The following ITGAX variants were observed in gnomAD, a reference collection of about 807,000 sequenced individuals.
ITGAX encodes the protein integrin subunit alpha X.
In ITGAX, 99 loss-of-function variants were observed where a neutral mutation model predicts 140.2. The ratio of observed to expected loss-of-function variants is 0.71; its 90% confidence interval spans 0.60 to 0.83. ITGAX has a LOEUF of 0.83. ITGAX is among the 40% of genes least tolerant of loss of function. The pLI is 0.00. For synonymous variants in ITGAX, 631 were observed against 600.4 expected (o/e 1.05, Z -0.75); for missense variants, 1,444 against 1,482.0 (o/e 0.97, Z 0.42).
Position 31,368,815 on chromosome 16 carries a change from G to C in ITGAX, c.1711-2269G>C, listed in dbSNP as rs375497136. On this transcript the variant is annotated intron_variant, in intron 14 of 29. Transcript: ENST00000268296. ...TTAGGGAGTGGTGATGACTCTTAAC[G>C]AGCATGCTGCCTTCAAGCATCTGTT... 4.6e-5 allele frequency among the ~76,000 whole-genome samples: 7 copies of C among 151,318 alleles called. No individual in the cohort carries two copies. The South Asian group carries it at 1.2e-3, about 27-fold the overall frequency.
chr16:31,377,519 T>A (rs1180906094), intron 23 of ITGAX, among the ~76,000 whole-genome samples: 1 of 152,238 alleles, frequency 6.6e-6, no homozygotes, highest in Non-Finnish European at 1.5e-5. Flanking sequence ...CCATTATGTG[T>A]GATCAAAACC....
At position 31,360,332 on chromosome 16, in the gene ITGAX, T is replaced by G. The variant is rs770743678; in HGVS notation, c.730T>G (p.Tyr244Asp). Residue 244 changes from tyrosine to aspartate, a missense_variant, in exon 8 of 30, where the codon TAT (tyrosine) becomes GAT (aspartate). By Grantham distance (160) the Tyr-to-Asp change is radical (BLOSUM62 -3). Transcript: ENST00000268296. ...TAGGCACCGATTGTTCCATGCCTCA[T>G]ATGGGGCCCGTAGGGATGCCGCCAA... Reference protein sequence around the residue: ...NVVHRLFHASYGARRDAAKIL... With the variant: ...NVVHRLFHASDGARRDAAKIL... 2 of 1,613,410 alleles carry G rather than the reference T, an allele frequency of 1.2e-6. No individual in the cohort carries two copies. Among genetic ancestry groups the G allele is most frequent in the Non-Finnish European group, 1.7e-6 (2 of 1,179,632 alleles).
At chr16:31,364,983 C>T (rs1048139811) in intron 14 of ITGAX, among the ~76,000 whole-genome samples, 2 of 152,082 alleles carry the variant, frequency 1.3e-5, no homozygotes, top group African/African-American at 4.8e-5. Context: ...CGCGGCACTG[C>T]ACTCCAGCCT....
rs1308450717 is a variant in ITGAX at position 31,363,294 on chromosome 16, C to T, written c.1630C>T (p.Pro544Ser). Residue 544 changes from proline to serine, a missense_variant, in exon 14 of 30, where the codon CCA becomes TCA. Transcript: ENST00000268296. ...DKLTDVVIGA[P>S]GEEENRGAVY... ...GCTGACAGACGTGGTCATCGGGGCC[C>T]CAGGAGAGGAGGAGAACCGGGGTGC... 3 of 1,613,958 alleles carry T rather than the reference C, an allele frequency of 1.9e-6. No homozygotes were observed. The highest frequency in any genetic ancestry group is 2.5e-6 in the Non-Finnish European group (3 of 1,179,950).
At position 31,377,208 on chromosome 16, in the gene ITGAX, A is replaced by AT; in HGVS notation, c.2732_2733insT (p.Lys911AsnfsTer19). The AT allele has an allele frequency of 6.2e-7, 1 of 1,614,074 alleles. No individual in the cohort carries two copies. Among genetic ancestry groups the AT allele is most frequent in the African/African-American group, 1.3e-5 (1 of 75,010 alleles). On this transcript the variant is annotated frameshift_variant, in exon 23 of 30. Transcript: ENST00000268296. LOFTEE classifies it high-confidence loss of function. ...GAGAACAACACTCCCAGGACCAGCAAGACCACCTTCCAGCTGGAGCTCCCG... is the reference window on the plus strand; with the variant it reads ...GAGAACAACACTCCCAGGACCAGCAATGACCACCTTCCAGCTGGAGCTCCCG...
chr16:31,357,159 CG>C (rs771429171), intron 4 of ITGAX, 58 bp downstream of exon 4: 12 of 1,568,256 alleles, frequency 7.7e-6, no homozygotes, highest in African/African-American at 5.4e-5. Flanking sequence ...GCCGGGGCCG[CG>C]GGGGGCTGGG....
In ITGAX at chr16:31,382,777, G is replaced by A. The variant is rs1163927031; in HGVS notation, c.*870G>A. On this transcript the variant is annotated 3_prime_UTR_variant, in exon 30 of 30. Transcript: ENST00000268296. ...CCCTCTAGGGAGGGACATGGCCCCG[G>A]TGCGGCTGCAGCTCACCCAGCCCCA... The A allele has an allele frequency of 2.1e-5, 10 of 466,454 alleles. No individual in the cohort carries two copies. Among genetic ancestry groups the A allele is most frequent in the Non-Finnish European group, 3.5e-5 (9 of 260,054 alleles). The allele number at this position is 466,454 out of a possible 1,614,324, so 28.9% of individuals were successfully genotyped here.
rs759198374 is a variant in ITGAX at position 31,360,337 on chromosome 16, G to A, written c.735G>A (p.Gly245=). ...ACCGATTGTTCCATGCCTCATATGGGGCCCGTAGGGATGCCGCCAAAATTC... is the reference window on the plus strand; with the variant it reads ...ACCGATTGTTCCATGCCTCATATGGAGCCCGTAGGGATGCCGCCAAAATTC... The part of the protein sequence containing the change: ...VVHRLFHASY[G]ARRDAAKILI... The change falls in exon 8 of 30, where the codon GGG becomes GGA. Residue 245 remains glycine (G), a synonymous_variant. Coordinates refer to ENST00000268296, the MANE Select transcript of ITGAX (RefSeq NM_000887.5). 2.5e-6 allele frequency: 4 copies of A among 1,613,584 alleles called. No individual in the cohort carries two copies. In the African/African-American group the frequency reaches 4.0e-5, roughly 16 times the overall value.
At chr16:31,358,380 G>C (rs1263170253) in intron 5 of ITGAX, 4 of 152,208 alleles carry the variant, frequency 2.6e-5, no homozygotes, top group Non-Finnish European at 5.9e-5. Context: ...GTTGTTTGAG[G>C]CCTGGAGTTT....
intron 20 of ITGAX, among the ~76,000 whole-genome samples, chr16:31,374,008 G>C (rs2080996834): frequency 6.6e-6 from 1 of 152,212 alleles, no homozygotes; most frequent in South Asian, 2.1e-4. Flanking sequence ...TGTTATTATG[G>C]CTGGGAGTGG....
Position 31,360,297 on chromosome 16 carries a change from C to T in ITGAX, c.708-13C>T, listed in dbSNP as rs2080809238. On this transcript the variant is annotated splice_polypyrimidine_tract_variant and intron_variant, in intron 7 of 29. Transcript: ENST00000268296. ...TGGTTCACAGGCCTCTAAGACCTCT[C>T]CTTTCCTGATAGGCACCGATTGTTC... 2 of 1,602,164 alleles carry T rather than the reference C, an allele frequency of 1.2e-6. No individual in the cohort carries two copies. Among genetic ancestry groups the T allele is most frequent in the East Asian group, 4.5e-5 (2 of 44,786 alleles).
chr16:31,367,802 GA>G (rs1193794216), intron 14 of ITGAX, among the ~76,000 whole-genome samples: 2 of 152,160 alleles, frequency 1.3e-5, no homozygotes, highest in African/African-American at 4.8e-5. Flanking sequence ...CATTATTTCA[GA>G]AATACATTTC....
chr16:31,379,897 A>G (rs2081052548), intron 25 of ITGAX, 33 bp downstream of exon 25: 2 of 1,610,612 alleles, frequency 1.2e-6, no homozygotes, highest in African/African-American at 2.7e-5. Flanking sequence ...TCCTCCACGA[A>G]TGCCCTTTCT....
At chr16:31,373,170 CA>C in intron 19 of ITGAX, 78 bp from the exon 20 acceptor site, 6 of 968,256 alleles carry the variant, frequency 6.2e-6, no homozygotes, top group Non-Finnish European at 6.0e-6. Flanking sequence ...CCCAAATCCC[CA>C]CCCACCCCAT....
Position 31,380,965 on chromosome 16 carries a change from G to C in ITGAX, c.3345G>C (p.Gly1115=). The C allele has an allele frequency of 6.2e-7, 1 of 1,614,148 alleles. No homozygotes were observed. Among genetic ancestry groups the C allele is most frequent in the Non-Finnish European group, 8.5e-7 (1 of 1,180,024 alleles). The stretch of plus-strand genomic sequence containing the variant: ...CCCTCATCGTAGGCAGCTCCATTGG[G>C]GGTCTGTTGCTGCTGGCACTCATCA... The part of the protein sequence containing the change: ...PTPLIVGSSI[G]GLLLLALITA... The change falls in exon 29 of 30, where the codon GGG becomes GGC. Residue 1115 remains glycine, a synonymous_variant. Transcript: ENST00000268296.
Position 31,382,400 on chromosome 16 carries a change from C to G in ITGAX, c.*493C>G. 1 of 1,531,986 alleles carries G rather than the reference C, an allele frequency of 6.5e-7. No individual in the cohort carries two copies. 94.9% of individuals were successfully genotyped at this position (1,531,986 alleles called of 1,614,324 possible). On this transcript the variant is annotated 3_prime_UTR_variant, in exon 30 of 30. Transcript: ENST00000268296. The stretch of plus-strand genomic sequence containing the variant: ...AGCTGGGACTACAGGCACACGCCAC[C>G]TCGCCCGGCCCGATCTTTCTAAAAT...
At chr16:31,364,171 C>A (rs1308830482) in intron 14 of ITGAX, among the ~76,000 whole-genome samples, 3 of 152,062 alleles carry the variant, frequency 2.0e-5, no homozygotes, top group African/African-American at 7.2e-5. Context: ...ATCTGTAATT[C>A]CGACACTTTG....
In ITGAX at chr16:31,360,008, C is replaced by A. The variant is rs1405726782; in HGVS notation, c.650C>A (p.Ala217Asp). 6.2e-7 allele frequency: 1 copy of A among 1,613,912 alleles called. No homozygotes were observed. Among genetic ancestry groups the A allele is most frequent in the South Asian group, 1.1e-5 (1 of 91,084 alleles). ...AGCTCAAACCCCCTCAGCCTGTTGG[C>A]TTCTGTTCACCAGCTGCAAGGGTTT... ...RRSSNPLSLL[A>D]SVHQLQGFTY... The change falls in exon 7 of 30, where the codon GCT (alanine) becomes GAT (aspartate). Residue 217 changes from alanine to aspartate, a missense_variant. Transcript: ENST00000268296.
intron 11 of ITGAX, 101 bp from the exon 12 acceptor site, chr16:31,362,510 G>A (rs571200176): frequency 7.0e-7 from 1 of 1,433,428 alleles, no homozygotes; most frequent in Admixed American, 2.5e-5. Context: ...TGGGGTCCAG[G>A]GTTCTGGGGA....
Sources: allele counts gnomAD v4.1 joint callset (sites outside exome capture counted in the v4.1 genomes callset), GRCh38; gene constraint gnomAD v4.1.1; transcripts MANE v1.5; gene names NCBI Gene and HGNC (gene_info 2026-07-23, HGNC 2026-07-21).